The following YWHAE variants were observed in gnomAD, a reference collection of about 807,000 sequenced individuals.
The protein encoded by YWHAE is 14-3-3 protein epsilon.
YWHAE carries 4 observed loss-of-function variants against 30.1 expected under a neutral mutation model. That is an observed-to-expected ratio of 0.13 (90% CI 0.07 to 0.30). YWHAE has a LOEUF of 0.30. YWHAE is among the 10% of genes least tolerant of loss of function. The probability of loss-of-function intolerance (pLI) is 1.00; values close to 1 mark genes in which losing one functional copy is unlikely to be tolerated. For synonymous variants in YWHAE, 118 were observed against 111.8 expected (o/e 1.06, Z -0.35); for missense variants, 121 against 315.9 (o/e 0.38, Z 4.68).
intron 1 of YWHAE, among the ~76,000 whole-genome samples, chr17:1,373,013 G>A (rs9890985): frequency 0.25 from 37,336 of 151,758 alleles, 5,321 homozygotes; most frequent in African/African-American, 0.39. Context: ...AGGCCAAGGC[G>A]GGCAGATCAC....
chr17:1,393,349 TGA>T (rs2073417626), intron 1 of YWHAE, among the ~76,000 whole-genome samples: 3 of 146,996 alleles, frequency 2.0e-5, no homozygotes, highest in African/African-American at 7.5e-5. Context: ...AAGATAAAAG[TGA>T]GAGGAGAAAA....
At position 1,354,095 on chromosome 17, in the gene YWHAE, C is replaced by G. The variant is rs962168061; in HGVS notation, c.715+116G>C. The G allele has an allele frequency of 2.9e-5, 38 of 1,307,328 alleles. No homozygotes were observed. In the African/African-American group the frequency reaches 5.3e-4, roughly 18 times the overall value. The allele number at this position is 1,307,328 out of a possible 1,614,324, so 81.0% of individuals were successfully genotyped here. On this transcript the variant is annotated intron_variant, in intron 5 of 5. Transcript: ENST00000264335. ...GCAGCAATTACAATTTCATAGAGGG[C>G]AGGCGGTGAATCTAAATTCTAGCTT...
In YWHAE at chr17:1,373,112, G is replaced by A. The variant is rs570176694; in HGVS notation, c.65-8054C>T. 5.9e-5 allele frequency among the ~76,000 whole-genome samples: 9 copies of A among 152,126 alleles called. No homozygotes were observed. The South Asian group carries it at 6.2e-4, about 11-fold the overall frequency. ...AAAAAAATTAGCCAGGCATGGGGGC[G>A]CGTGCCTGTAATCCCAGCTACTCGG... On this transcript the variant is annotated intron_variant, in intron 1 of 5. Transcript: ENST00000264335.
Position 1,366,807 on chromosome 17 carries a change from T to C in YWHAE, c.65-1749A>G, listed in dbSNP as rs149737677. Among the ~76,000 whole-genome samples the C allele has an allele frequency of 2.5e-3, 380 of 152,134 alleles. 4 individuals are homozygous for C. The highest frequency in any genetic ancestry group is 8.7e-3 in the African/African-American group (363 of 41,500). On this transcript the variant is annotated intron_variant, in intron 1 of 5. Coordinates refer to ENST00000264335, the MANE Select transcript of YWHAE (RefSeq NM_006761.5). ...AAATACAAAAATTAGCTGGGCATGG[T>C]GGTGCACGCTTGTAATCCCAGCTAC...
chr17:1,378,326 T>C (rs2073153948), intron 1 of YWHAE, among the ~76,000 whole-genome samples: 1 of 152,220 alleles, frequency 6.6e-6, no homozygotes, highest in Non-Finnish European at 1.5e-5. Flanking sequence ...CTGATTCAGC[T>C]TGGACAACCT....
At chr17:1,360,085 C>G (rs2072839421) in intron 4 of YWHAE, among the ~76,000 whole-genome samples, 1 of 152,034 alleles carries the variant, frequency 6.6e-6, no homozygotes, top group South Asian at 2.1e-4. Flanking sequence ...GTCTCAGCCT[C>G]CCGAGTAACT....
At chr17:1,353,615 T>TA (rs1218043015) in intron 5 of YWHAE, among the ~76,000 whole-genome samples, 1 of 151,416 alleles carries the variant, frequency 6.6e-6, no homozygotes, top group African/African-American at 2.4e-5. Flanking sequence ...ATACAAAAAC[T>TA]AGGTAGTCGT....
At chr17:1,386,110 A>T (rs989185189) in intron 1 of YWHAE, among the ~76,000 whole-genome samples, 1 of 152,186 alleles carries the variant, frequency 6.6e-6, no homozygotes, top group African/African-American at 2.4e-5. Flanking sequence ...AGTACTTTGC[A>T]TGGCTGTTTG....
At chr17:1,357,219 C>A (rs552470120) in intron 4 of YWHAE, among the ~76,000 whole-genome samples, 1 of 151,770 alleles carries the variant, frequency 6.6e-6, no homozygotes, top group Non-Finnish European at 1.5e-5. Flanking sequence ...CTGGCTAACA[C>A]GGTGAAACCC....
chr17:1,395,094 A>C (rs1007842348), intron 1 of YWHAE, among the ~76,000 whole-genome samples: 1 of 143,932 alleles, frequency 6.9e-6, no homozygotes, highest in African/African-American at 2.6e-5. Flanking sequence ...GTCATCCATG[A>C]AAAAAAAAAA....
At chr17:1,371,071 T>C (rs1432733660) in intron 1 of YWHAE, among the ~76,000 whole-genome samples, 1 of 151,916 alleles carries the variant, frequency 6.6e-6, no homozygotes, top group East Asian at 1.9e-4. Context: ...CCAAGTACTG[T>C]GTGTGAGTGT....
At chr17:1,364,491 G>A (rs2150852919) in intron 2 of YWHAE, among the ~76,000 whole-genome samples, 1 of 152,258 alleles carries the variant, frequency 6.6e-6, no homozygotes, top group African/African-American at 2.4e-5. Flanking sequence ...CTCCCAAAGT[G>A]CTGGGATTAC....
chr17:1,367,518 C>G (rs2072963283), intron 1 of YWHAE, among the ~76,000 whole-genome samples: 1 of 152,112 alleles, frequency 6.6e-6, no homozygotes, highest in African/African-American at 2.4e-5. Context: ...TGCTTGACCC[C>G]AGGAATTCAG....
At chr17:1,397,516 C>A (rs1015698495) in intron 1 of YWHAE, among the ~76,000 whole-genome samples, 1 of 152,102 alleles carries the variant, frequency 6.6e-6, no homozygotes, top group Admixed American at 6.6e-5. Flanking sequence ...GAAGTTTAGG[C>A]ACTAATTCAA....
chr17:1,373,368 T>G (rs888011155), intron 1 of YWHAE, among the ~76,000 whole-genome samples: 9 of 151,238 alleles, frequency 6.0e-5, no homozygotes, highest in Non-Finnish European at 1.5e-5. Context: ...CATTAACATG[T>G]AATGAAAAGT....
At chr17:1,360,240 GC>G (rs1174171848) in intron 4 of YWHAE, among the ~76,000 whole-genome samples, 1 of 151,940 alleles carries the variant, frequency 6.6e-6, no homozygotes, top group Non-Finnish European at 1.5e-5. Flanking sequence ...GGGATTACAG[GC>G]GTGAGCCACT....
At chr17:1,385,542 A>G (rs1409357064) in intron 1 of YWHAE, among the ~76,000 whole-genome samples, 1 of 152,042 alleles carries the variant, frequency 6.6e-6, no homozygotes, top group Admixed American at 6.6e-5. Context: ...GTGGAAGACA[A>G]TTTTTCCACA....
chr17:1,376,345 CAG>C (rs1160156007), intron 1 of YWHAE, among the ~76,000 whole-genome samples: 12 of 150,842 alleles, frequency 8.0e-5, no homozygotes, highest in Non-Finnish European at 3.0e-5. Context: ...GAAAGACAGA[CAG>C]AAAGACAAGA....
intron 1 of YWHAE, among the ~76,000 whole-genome samples, chr17:1,388,120 T>G (rs1216542248): frequency 1.8e-5 from 1 of 54,470 alleles, no homozygotes; most frequent in Non-Finnish European, 3.6e-5. Context: ...TTTGGTTGGT[T>G]TTTTTTTTTT....
Sources: allele counts gnomAD v4.1 joint callset (sites outside exome capture counted in the v4.1 genomes callset), GRCh38; gene constraint gnomAD v4.1.1; transcripts MANE v1.5; gene names NCBI Gene and HGNC (gene_info 2026-07-23, HGNC 2026-07-21).